The following LAMC2 variants were observed in gnomAD, a reference collection of about 807,000 sequenced individuals.
LAMC2 encodes laminin subunit gamma 2, also known as laminin subunit gamma-2.
LAMC2 carries 97 observed loss-of-function variants against 140.2 expected under a neutral mutation model. The observed-to-expected ratio is 0.69, with a 90% CI of 0.59 to 0.82. The LOEUF (loss-of-function observed/expected upper bound fraction) is 0.82, where lower values mean the gene tolerates loss of function less well. LAMC2 is among the 40% of genes least tolerant of loss of function. The pLI is 0.00. For missense variants in LAMC2, 1,402 were observed against 1,476.1 expected (o/e 0.95, Z 0.82); for synonymous variants, 513 against 540.2 (o/e 0.95, Z 0.70).
rs182101658 is a variant in LAMC2 at position 183,233,660 on chromosome 1, A to G, written c.2221-707A>G. 7.2e-3 allele frequency among the ~76,000 whole-genome samples: 1,099 copies of G among 152,324 alleles called. 10 individuals carry two copies. The highest frequency in any genetic ancestry group is 0.012 in the Non-Finnish European group (801 of 68,032). On this transcript the variant is annotated intron_variant, in intron 14 of 22. Coordinates refer to ENST00000264144, the MANE Select transcript of LAMC2 (RefSeq NM_005562.3). ...ATGATCCCATTACTATCAAATAACC[A>G]CTGTTAAAATTTGGAATATATTCTA...
rs1436859330 is a variant in LAMC2, at chr1:183,244,502, T to C, written c.*1102T>C. On this transcript the variant is annotated 3_prime_UTR_variant, in exon 23 of 23. Coordinates refer to ENST00000264144, the MANE Select transcript of LAMC2 (RefSeq NM_005562.3). The stretch of plus-strand genomic sequence containing the variant: ...AGTGGTGACATAGTCTCTGCCCTCA[T>C]AGAGTTGATTGTCTAGTGAGGAAGA... The C allele has an allele frequency of 1.3e-5, 2 of 152,536 alleles. No homozygotes were observed. Among genetic ancestry groups the C allele is most frequent in the African/African-American group, 2.4e-5 (1 of 41,442 alleles). The allele number at this position is 152,536 out of a possible 1,614,324, so 9.4% of individuals were successfully genotyped here.
rs201110608 is a variant in LAMC2 at position 183,232,813 on chromosome 1, A to G, written c.2176A>G (p.Met726Val). Residue 726 changes from methionine (M) to valine (V), a missense_variant, in exon 14 of 23, where the codon ATG becomes GTG. By Grantham distance (21) the Met-to-Val change is conservative. Coordinates refer to ENST00000264144, the MANE Select transcript of LAMC2 (RefSeq NM_005562.3). ...GGATACTCACAGGCTCATCACTCAG[A>G]TGCAGCTGAGCCTGGCAGAAAGTGA... ...VRDTHRLITQ[M>V]QLSLAESEAS... 37 of 1,614,132 alleles carry G rather than the reference A, an allele frequency of 2.3e-5. No homozygotes were observed. In the East Asian group the frequency reaches 4.2e-4, roughly 18 times the overall value.
At chr1:183,213,704 G>A (rs747511561) in intron 2 of LAMC2, among the ~76,000 whole-genome samples, 1 of 146,438 alleles carries the variant, frequency 6.8e-6, no homozygotes, top group Non-Finnish European at 1.5e-5. Context: ...GGAGACTGAG[G>A]TAGGGGAATC....
chr1:183,236,978 T>C (rs1293048635), intron 17 of LAMC2, among the ~76,000 whole-genome samples: 3 of 152,210 alleles, frequency 2.0e-5, no homozygotes, highest in Admixed American at 6.5e-5. Flanking sequence ...AAGTTTTGCA[T>C]TGTTTCTGCC....
At position 183,238,421 on chromosome 1, in the gene LAMC2, G is replaced by C; in HGVS notation, c.2869G>C (p.Glu957Gln). 1 of 1,595,374 alleles carries C rather than the reference G, an allele frequency of 6.3e-7. No homozygotes were observed. Among genetic ancestry groups the C allele is most frequent in the Non-Finnish European group, 8.6e-7 (1 of 1,162,946 alleles). ...EVESILKNLR[E>Q]FDLQVDNRKA... The stretch of plus-strand genomic sequence containing the variant: ...TGAGAGCATCCTTAAAAACCTCAGA[G>C]GTTAGTACTTCATGGTTCAGGTCAC... The change falls in exon 19 of 23, where the codon GAG (glutamate) becomes CAG (glutamine). Residue 957 changes from glutamate (E) to glutamine (Q), a missense_variant and splice_region_variant. Physicochemically the swap from Glu to Gln is conservative, Grantham distance 29 (BLOSUM62 2). Coordinates refer to ENST00000264144, the MANE Select transcript of LAMC2 (RefSeq NM_005562.3).
intron 17 of LAMC2, among the ~76,000 whole-genome samples, chr1:183,236,950 G>C (rs1290262956): frequency 6.6e-6 from 1 of 152,162 alleles, no homozygotes; most frequent in African/African-American, 2.4e-5. Flanking sequence ...TAGCCACTCT[G>C]AGATGACTTC....
chr1:183,220,842 A>ATAATCTG lies in LAMC2; in HGVS notation c.522_528dup (p.Asp177Ter). Reference sequence around the variant, plus strand: ...CACTGCAGGTGTCGATCAGGTTACTATAATCTGGATGGGGGGAACCCTGAG... The same window carrying ATAATCTG: ...CACTGCAGGTGTCGATCAGGTTACTATAATCTGTAATCTGGATGGGGGGAACCCTGAG... On this transcript the variant is annotated frameshift_variant, in exon 5 of 23. Coordinates refer to ENST00000264144, the MANE Select transcript of LAMC2 (RefSeq NM_005562.3). LOFTEE classifies it high-confidence loss of function. The ATAATCTG allele has an allele frequency of 6.2e-7, 1 of 1,613,928 alleles. No individual in the cohort carries two copies. Among genetic ancestry groups the ATAATCTG allele is most frequent in the Non-Finnish European group, 8.5e-7 (1 of 1,179,778 alleles).
intron 3 of LAMC2, among the ~76,000 whole-genome samples, chr1:183,216,610 G>A (rs776193568): frequency 3.9e-5 from 6 of 152,018 alleles, no homozygotes; most frequent in East Asian, 1.9e-4. Context: ...TGCCTTCCCC[G>A]AAGCCGTGCA....
chr1:183,250,880 A>G, the LAMC2 span: 8 of 152,754 alleles, frequency 5.2e-5, no homozygotes, highest in East Asian at 1.5e-3. Context: ...GTGGTAAAGA[A>G]CATTGTCTTT....
At chr1:183,223,046 C>A in intron 6 of LAMC2, 89 bp from the exon 7 acceptor site, 2 of 1,218,798 alleles carry the variant, frequency 1.6e-6, no homozygotes, top group Non-Finnish European at 2.4e-6. Flanking sequence ...AGGACTTCAA[C>A]AGAAATTGCC....
chr1:183,208,672 GT>G (rs922364271), intron 2 of LAMC2, among the ~76,000 whole-genome samples: 13 of 152,064 alleles, frequency 8.5e-5, no homozygotes, highest in African/African-American at 3.1e-4. Context: ...GAGCTAGTTT[GT>G]TTTTTTGTTT....
intron 1 of LAMC2, among the ~76,000 whole-genome samples, chr1:183,191,263 T>C (rs1229478288): frequency 6.6e-6 from 1 of 152,076 alleles, no homozygotes; most frequent in Admixed American, 6.6e-5. Context: ...TGTACAGAGA[T>C]ATAGAATTGG....
chr1:183,191,498 C>CTTT (rs58871555), intron 1 of LAMC2, among the ~76,000 whole-genome samples: 4 of 138,888 alleles, frequency 2.9e-5, no homozygotes, highest in Admixed American at 7.2e-5. Context: ...AACTTACTGA[C>CTTT]TTTTTTTTTT....
chr1:183,223,216 C>G lies in LAMC2; in HGVS notation c.845C>G (p.Pro282Arg). Residue 282 changes from proline (P) to arginine (R), a missense_variant, in exon 7 of 23, where the codon CCA becomes CGA. Transcript: ENST00000264144. ...CGTGTGGACAGAGGAGGCAGACACCCATCTGCCCATGATGTGATTCTGGAA... is the reference window on the plus strand; with the variant it reads ...CGTGTGGACAGAGGAGGCAGACACCGATCTGCCCATGATGTGATTCTGGAA... ...DYRVDRGGRH[P>R]SAHDVILEGA... 2 of 1,613,850 alleles carry G rather than the reference C, an allele frequency of 1.2e-6. No individual in the cohort carries two copies. The highest frequency in any genetic ancestry group is 1.7e-6 in the Non-Finnish European group (2 of 1,179,740).
At chr1:183,257,574 AG>A in the LAMC2 span, among the ~76,000 whole-genome samples, 1 of 152,194 alleles carries the variant, frequency 6.6e-6, no homozygotes, top group Non-Finnish European at 1.5e-5. Context: ...TGGTCTGTTC[AG>A]GCTATTCCTG....
intron 3 of LAMC2, among the ~76,000 whole-genome samples, chr1:183,216,835 G>C (rs1280089435): frequency 1.3e-5 from 2 of 152,156 alleles, no homozygotes; most frequent in Non-Finnish European, 2.9e-5. Context: ...CCTTGAGGAT[G>C]TCCAGTGCAT....
At chr1:183,250,316 A>G in the LAMC2 span, 2 of 152,172 alleles carry the variant, frequency 1.3e-5, no homozygotes, top group Non-Finnish European at 2.9e-5. Flanking sequence ...CGCTTCTGGG[A>G]TTTCTTCCAA....
chr1:183,208,335 A>G (rs1266485757), intron 2 of LAMC2, among the ~76,000 whole-genome samples: 3 of 152,174 alleles, frequency 2.0e-5, no homozygotes, highest in African/African-American at 7.2e-5. Flanking sequence ...CCTTGAGGGC[A>G]TGTTGTCTTG....
rs770262644 is a variant in LAMC2, at chr1:183,240,405, C to A, written c.3328+14C>A. 2.5e-6 allele frequency: 4 copies of A among 1,613,938 alleles called. No individual in the cohort carries two copies. The African/African-American group carries it at 5.3e-5, about 22-fold the overall frequency. Reference sequence around the variant, plus strand: ...TGCATCTGATGGGTATGTGAACCCACAACCCACAACCTTCCAGCTCCATGC... The same window carrying A: ...TGCATCTGATGGGTATGTGAACCCAAAACCCACAACCTTCCAGCTCCATGC... On this transcript the variant is annotated intron_variant, in intron 22 of 22. Transcript: ENST00000264144.
Sources: allele counts gnomAD v4.1 joint callset (sites outside exome capture counted in the v4.1 genomes callset), GRCh38; gene constraint gnomAD v4.1.1; transcripts MANE v1.5; gene names NCBI Gene and HGNC (gene_info 2026-07-23, HGNC 2026-07-21).